The following ZNF563 variants were observed in gnomAD, a reference collection of about 807,000 sequenced individuals.
The protein encoded by ZNF563 is zinc finger protein 563.
In ZNF563, 39 loss-of-function variants were observed where a neutral mutation model predicts 48.5. The ratio of observed to expected loss-of-function variants is 0.80; its 90% CI spans 0.62 to 1.05. ZNF563 has a LOEUF of 1.05. Ranked by LOEUF, ZNF563 falls within the 50% of genes least tolerant of loss-of-function variation. The probability of loss-of-function intolerance (pLI) is 0.00; values close to 1 mark genes in which losing one functional copy is unlikely to be tolerated. For synonymous variants in ZNF563, 168 were observed against 187.9 expected (o/e 0.89, Z 0.87); for missense variants, 538 against 597.0 (o/e 0.90, Z 1.03).
upstream of ZNF563, among the ~76,000 whole-genome samples, chr19:12,337,662 A>G (rs1969034358): frequency 6.6e-6 from 1 of 152,246 alleles, no homozygotes; most frequent in Non-Finnish European, 1.5e-5. Context: ...AAACCAAAAC[A>G]TTCTGTCAAC....
At chr19:12,324,744 A>AC in intron 1 of ZNF563, among the ~76,000 whole-genome samples, 1 of 147,728 alleles carries the variant, frequency 6.8e-6, no homozygotes, top group Non-Finnish European at 1.5e-5. Flanking sequence ...AAAAAAAAAA[A>AC]CCCTCTCACC....
At chr19:12,322,822 G>C in intron 1 of ZNF563, 111 bp from the exon 2 acceptor site, 3 of 1,189,648 alleles carry the variant, frequency 2.5e-6, no homozygotes, top group Non-Finnish European at 3.4e-6. Context: ...TTTATTCAAT[G>C]ATGTAGTAAA....
intron 2 of ZNF563, among the ~76,000 whole-genome samples, chr19:12,321,770 T>C (rs939473028): frequency 6.6e-6 from 1 of 152,058 alleles, no homozygotes; most frequent in Non-Finnish European, 1.5e-5. Context: ...GAACAACACA[T>C]GTTTGAACTG....
upstream of ZNF563, among the ~76,000 whole-genome samples, chr19:12,336,590 T>A (rs145777131): frequency 0.025 from 3,747 of 152,322 alleles, 157 homozygotes; most frequent in African/African-American, 0.086. Context: ...AGACTCCGTC[T>A]CAAAAACAAA....
Position 12,333,450 on chromosome 19 carries a change from CT to C in ZNF563, c.3+29del, listed in dbSNP as rs768302085. The C allele has an allele frequency of 1.3e-5, 21 of 1,613,148 alleles. No homozygotes were observed. The South Asian group carries it at 2.3e-4, about 18-fold the overall frequency. On this transcript the variant is annotated intron_variant, in intron 1 of 3. Coordinates refer to ENST00000293725, the MANE Select transcript of ZNF563 (RefSeq NM_145276.3). ...GACGGTTCCAACCAGCTCTTTCCCA[CT>C]TTTGGGACGCCTGACCCTGCACACG...
chr19:12,344,287 G>A, the ZNF563 span, among the ~76,000 whole-genome samples: 1 of 151,362 alleles, frequency 6.6e-6, no homozygotes, highest in Non-Finnish European at 1.5e-5. Flanking sequence ...CAGCTACCCG[G>A]GAGGCTGAGG....
chr19:12,326,007 C>T (rs1315680674), intron 1 of ZNF563, among the ~76,000 whole-genome samples: 1 of 152,100 alleles, frequency 6.6e-6, no homozygotes, highest in Non-Finnish European at 1.5e-5. Flanking sequence ...ATCTGATTTC[C>T]AGATGCAAAT....
chr19:12,327,890 G>A (rs1259139480), intron 1 of ZNF563, among the ~76,000 whole-genome samples: 1 of 152,072 alleles, frequency 6.6e-6, no homozygotes, highest in Non-Finnish European at 1.5e-5. Context: ...ATAAAATAGA[G>A]GATCAAAATA....
chr19:12,327,228 G>C (rs546906951), intron 1 of ZNF563, among the ~76,000 whole-genome samples: 1 of 152,290 alleles, frequency 6.6e-6, no homozygotes, highest in East Asian at 1.9e-4. Context: ...TTGGGAAGCT[G>C]AGGCAGGTGG....
intron 1 of ZNF563, among the ~76,000 whole-genome samples, chr19:12,325,332 T>C (rs1302702386): frequency 6.6e-6 from 1 of 152,010 alleles, no homozygotes; most frequent in African/African-American, 2.4e-5. Flanking sequence ...ATATAAAAAT[T>C]AGCCACGCTT....
chr19:12,325,187 A>C (rs1968757587), intron 1 of ZNF563, among the ~76,000 whole-genome samples: 1 of 152,220 alleles, frequency 6.6e-6, no homozygotes, highest in South Asian at 2.1e-4. Flanking sequence ...ACTGTAATTA[A>C]GACATACATT....
At chr19:12,329,164 A>G (rs1013109707) in intron 1 of ZNF563, among the ~76,000 whole-genome samples, 1 of 152,166 alleles carries the variant, frequency 6.6e-6, no homozygotes, top group African/African-American at 2.4e-5. Flanking sequence ...TGAAATAGCA[A>G]TCAAGAAATC....
intron 1 of ZNF563, among the ~76,000 whole-genome samples, chr19:12,324,175 T>C (rs1030873725): frequency 6.6e-6 from 1 of 151,940 alleles, no homozygotes; most frequent in African/African-American, 2.4e-5. Flanking sequence ...CTGGGCAACA[T>C]GGCGAAACCC....
At chr19:12,334,969 A>G (rs914359551), upstream of ZNF563, among the ~76,000 whole-genome samples, 4 of 151,942 alleles carry the variant, frequency 2.6e-5, no homozygotes, top group African/African-American at 9.7e-5. Flanking sequence ...TAACACATAA[A>G]TGGTAAATTC....
At position 12,319,000 on chromosome 19, in the gene ZNF563, CAT is replaced by C; in HGVS notation, c.1023_1024del (p.Ile341MetfsTer6). The C allele has an allele frequency of 1.9e-6, 3 of 1,614,186 alleles. No individual in the cohort carries two copies. In the South Asian group the frequency reaches 3.3e-5, roughly 18 times the overall value. Reference sequence around the variant, plus strand: ...ACTGGGACGATCAAAGCCTTTCCCACATATCTTACATTTATGAGGTCGATCTC... The same window carrying C: ...ACTGGGACGATCAAAGCCTTTCCCACATCTTACATTTATGAGGTCGATCTC... On this transcript the variant is annotated frameshift_variant, in exon 4 of 4. Transcript: ENST00000293725. LOFTEE classifies it high-confidence loss of function.
chr19:12,347,119 G>A, the ZNF563 span: 2 of 152,172 alleles, frequency 1.3e-5, no homozygotes, highest in Non-Finnish European at 2.9e-5. Context: ...CTGCCCTCTA[G>A]GCAACATCGT....
chr19:12,339,366 G>A, the ZNF563 span, among the ~76,000 whole-genome samples: 104 of 135,306 alleles, frequency 7.7e-4, 1 homozygote, highest in African/African-American at 2.5e-3. Flanking sequence ...TGCAACCTCC[G>A]CCTCCTGGGT....
intron 1 of ZNF563, among the ~76,000 whole-genome samples, chr19:12,326,639 CA>C (rs34093215): frequency 0.25 from 32,073 of 130,662 alleles, 3,628 homozygotes; most frequent in African/African-American, 0.35. Context: ...GACTCTGTCT[CA>C]AAAAAAAAAA....
At position 12,321,360 on chromosome 19, in the gene ZNF563, T is replaced by C. The variant is rs1451231565; in HGVS notation, c.131-28A>G. 6 of 1,445,298 alleles carry C rather than the reference T, an allele frequency of 4.2e-6. No homozygotes were observed. In the East Asian group the frequency reaches 9.8e-5, roughly 24 times the overall value. 89.5% of individuals were successfully genotyped at this position (1,445,298 alleles called of 1,614,324 possible). ...AAAAGGGAGACCCAGAAAATCACTA[T>C]ACATTATTAGAAAATTATATAAAAC... is the stretch of plus-strand genomic sequence containing the variant. On this transcript the variant is annotated intron_variant, in intron 2 of 3. Coordinates refer to ENST00000293725, the MANE Select transcript of ZNF563 (RefSeq NM_145276.3).
Sources: gnomAD v4.1 joint callset for allele counts (sites outside exome capture counted in the v4.1 genomes callset) on GRCh38, gnomAD v4.1.1 for gene constraint, MANE v1.5 for transcripts, NCBI Gene and HGNC (gene_info 2026-07-23, HGNC 2026-07-21) for gene names.